Variants in UBE3A observed in about 807,000 individuals in gnomAD.
The protein encoded by UBE3A is ubiquitin-protein ligase E3A.
Under a neutral mutation model 83.4 loss-of-function variants are expected in UBE3A, and 6 were observed. The ratio of observed to expected loss-of-function variants is 0.07; its 90% CI spans 0.04 to 0.14. The LOEUF (loss-of-function observed/expected upper bound fraction) is 0.14. Among genes scored for constraint, UBE3A ranks in the 10% least tolerant of loss-of-function variants. The pLI is 1.00. For synonymous variants in UBE3A, 337 were observed against 355.4 expected (o/e 0.95, Z 0.58); for missense variants, 456 against 1,036.1 (o/e 0.44, Z 7.69).
chr15:25,403,111 A>G (rs1199238085), intron 4 of UBE3A, among the ~76,000 whole-genome samples: 1 of 152,182 alleles, frequency 6.6e-6, no homozygotes, highest in African/African-American at 2.4e-5. Flanking sequence ...TACCATGCAT[A>G]ATCTTCTGGC....
At chr15:25,379,946 T>C (rs1220057254) in intron 4 of UBE3A, among the ~76,000 whole-genome samples, 1 of 152,186 alleles carries the variant, frequency 6.6e-6, no homozygotes, top group African/African-American at 2.4e-5. Context: ...ATACTATATA[T>C]GATAATGCTT....
At chr15:25,436,171 A>G (rs1895020760) in intron 1 of UBE3A, among the ~76,000 whole-genome samples, 1 of 152,244 alleles carries the variant, frequency 6.6e-6, no homozygotes, top group African/African-American at 2.4e-5. Flanking sequence ...CTCAAAAAGC[A>G]GTCAAAAAAC....
chr15:25,431,763 T>C (rs1158151547), intron 1 of UBE3A, among the ~76,000 whole-genome samples: 1 of 152,192 alleles, frequency 6.6e-6, no homozygotes, highest in Non-Finnish European at 1.5e-5. Context: ...AGTATACGTA[T>C]CACATACCAT....
intron 11 of UBE3A, among the ~76,000 whole-genome samples, chr15:25,353,775 T>C (rs563755512): frequency 2.0e-5 from 3 of 152,234 alleles, no homozygotes; most frequent in East Asian, 3.9e-4. Context: ...TCTTTCAGAA[T>C]TGGATGATGT....
chr15:25,341,118 G>A (rs2152522733), intron 11 of UBE3A, among the ~76,000 whole-genome samples: 1 of 151,454 alleles, frequency 6.6e-6, no homozygotes, highest in South Asian at 2.1e-4. Flanking sequence ...CGCTCAGGCT[G>A]GAGTGCAGTG....
intron 4 of UBE3A, among the ~76,000 whole-genome samples, chr15:25,392,172 T>C (rs979022139): frequency 6.6e-6 from 1 of 152,178 alleles, no homozygotes; most frequent in East Asian, 1.9e-4. Flanking sequence ...AAAGAACATG[T>C]CCAGAGCTTA....
chr15:25,433,900 C>CA (rs989725504), intron 1 of UBE3A, among the ~76,000 whole-genome samples: 43 of 151,862 alleles, frequency 2.8e-4, no homozygotes, highest in Admixed American at 2.0e-4. Context: ...CCCATCTCCA[C>CA]AAAAAAATTA....
chr15:25,367,841 A>T (rs1017932702), intron 6 of UBE3A, among the ~76,000 whole-genome samples: 10 of 152,036 alleles, frequency 6.6e-5, no homozygotes, highest in East Asian at 1.9e-4. Flanking sequence ...TTTCTTTTTT[A>T]AAAAAATCCA....
At chr15:25,404,632 C>T (rs535033488) in intron 4 of UBE3A, among the ~76,000 whole-genome samples, 5 of 152,158 alleles carry the variant, frequency 3.3e-5, no homozygotes, top group South Asian at 4.1e-4. Context: ...ACACGTTTCT[C>T]TTCAATCCTT....
chr15:25,407,390 A>G (rs182682240), intron 3 of UBE3A: 19 of 540,584 alleles, frequency 3.5e-5, no homozygotes, highest in Non-Finnish European at 9.8e-6. Context: ...TATTACTGCA[A>G]AAAGGTAAGA....
At chr15:25,364,287 C>T (rs1238060421) in intron 6 of UBE3A, among the ~76,000 whole-genome samples, 1 of 152,022 alleles carries the variant, frequency 6.6e-6, no homozygotes, top group African/African-American at 2.4e-5. Flanking sequence ...ATTATTAACA[C>T]ATAAAATTTA....
At chr15:25,353,893 T>G (rs1370344473) in intron 11 of UBE3A, 2 of 190,430 alleles carry the variant, frequency 1.1e-5, no homozygotes, top group African/African-American at 4.8e-5. Flanking sequence ...TTTTTTAGGG[T>G]GTAAAATGGA....
intron 6 of UBE3A, among the ~76,000 whole-genome samples, chr15:25,367,214 T>C (rs980325972): frequency 1.2e-4 from 10 of 81,216 alleles, no homozygotes; most frequent in South Asian, 1.1e-3. Context: ...TGTAAATATG[T>C]AAATATTTAC....
intron 4 of UBE3A, among the ~76,000 whole-genome samples, chr15:25,384,181 C>T (rs908139703): frequency 3.9e-5 from 6 of 151,978 alleles, no homozygotes; most frequent in South Asian, 2.1e-4. Flanking sequence ...CAACATAGGC[C>T]GGACGTGGTG....
intron 1 of UBE3A, among the ~76,000 whole-genome samples, chr15:25,430,174 TA>T (rs1457234806): frequency 7.9e-4 from 9 of 11,374 alleles, no homozygotes; most frequent in African/African-American, 3.2e-3. Flanking sequence ...ATTATATATA[TA>T]TTATATATAT....
intron 1 of UBE3A, among the ~76,000 whole-genome samples, chr15:25,434,453 T>C (rs1894396888): frequency 2.6e-5 from 4 of 152,246 alleles, no homozygotes; most frequent in Admixed American, 2.0e-4. Context: ...CTTATTTATA[T>C]GGCATCTTCA....
intron 11 of UBE3A, among the ~76,000 whole-genome samples, chr15:25,351,891 AT>A: frequency 6.6e-6 from 1 of 152,178 alleles, no homozygotes; most frequent in Middle Eastern, 3.4e-3. Context: ...CAAAGGTTTG[AT>A]TCAGATTCAG....
intron 1 of UBE3A, among the ~76,000 whole-genome samples, chr15:25,437,051 G>A (rs912744639): frequency 2.6e-5 from 4 of 152,082 alleles, no homozygotes; most frequent in African/African-American, 9.7e-5. Context: ...CACAAAGATT[G>A]AAAATTATTT....
chr15:25,339,407 G>T, intron 12 of UBE3A, 150 bp from the exon 13 acceptor site: 2 of 970,094 alleles, frequency 2.1e-6, no homozygotes, highest in Non-Finnish European at 2.9e-6. Context: ...TTTTTGTTGT[G>T]TAACTACCAA....
Sources: gnomAD v4.1 joint callset for allele counts (sites outside exome capture counted in the v4.1 genomes callset) on GRCh38, gnomAD v4.1.1 for gene constraint, MANE v1.5 for transcripts, NCBI Gene and HGNC (gene_info 2026-07-23, HGNC 2026-07-21) for gene names.